Variants in PPM1K observed in about 807,000 individuals in gnomAD.
PPM1K encodes the protein protein phosphatase, Mg2+/Mn2+ dependent 1K.
PPM1K carries 19 observed loss-of-function variants against 32.6 expected under a neutral mutation model. That is an observed-to-expected ratio of 0.58 (90% CI 0.41 to 0.86). The LOEUF (loss-of-function observed/expected upper bound fraction) is 0.86. PPM1K is among the 40% of genes least tolerant of loss of function. The pLI is 0.00. For synonymous variants in PPM1K, 159 were observed against 165.3 expected, an observed-to-expected ratio of 0.96 and a Z score of 0.29; for missense variants, 362 against 461.2, an observed-to-expected ratio of 0.78 and a Z score of 1.97.
chr4:88,278,478 G>A lies in PPM1K; in HGVS notation c.106C>T (p.Pro36Ser), dbSNP rs1183626440. The change falls in exon 2 of 7, where the codon CCC (proline) becomes TCC (serine). Residue 36 changes from proline to serine, a missense_variant. Pro to Ser is a moderately conservative substitution (Grantham distance 74). Transcript: ENST00000608933. This position sits in a 1 kb window ranked among gnomAD's most constrained non-coding sequence, Gnocchi z 4.2. The stretch of plus-strand genomic sequence containing the variant: ...TCTGAAGTGGAGCTGTGGCACGTGG[G>A]TGTCACCCGCCTGTCGTCCTGCAGC... ...RLLQDDRRVT[P>S]TCHSSTSEPR... is the part of the protein sequence containing the mutation. 7.4e-6 allele frequency: 12 copies of A among 1,614,132 alleles called. No homozygotes were observed. The highest frequency in any genetic ancestry group is 9.3e-6 in the Non-Finnish European group (11 of 1,180,038).
rs1336222573 is a variant in PPM1K, at chr4:88,261,942, A to C, written c.*653T>G. On this transcript the variant is annotated 3_prime_UTR_variant, in exon 7 of 7. Coordinates refer to ENST00000608933, the MANE Select transcript of PPM1K (RefSeq NM_152542.5). The stretch of plus-strand genomic sequence containing the variant: ...CACCATGTTGGCCAGGCTGGTCTTG[A>C]ATTCCTGACCTCAGATGATCTACCC... 2.3e-5 allele frequency: 3 copies of C among 129,376 alleles called. No individual in the cohort carries two copies. The highest frequency in any genetic ancestry group is 4.6e-5 in the Non-Finnish European group (3 of 64,966). The allele number at this position is 129,376 out of a possible 1,614,324, so 8.0% of individuals were successfully genotyped here.
chr4:88,267,558 G>C (rs1054458022), intron 5 of PPM1K, among the ~76,000 whole-genome samples: 1 of 152,206 alleles, frequency 6.6e-6, no homozygotes, highest in African/African-American at 2.4e-5. Context: ...GAAATATTGA[G>C]GATTGCTAAA....
intron 1 of PPM1K, among the ~76,000 whole-genome samples, chr4:88,283,411 CT>C (rs1206285257): frequency 2.6e-5 from 4 of 152,266 alleles, no homozygotes; most frequent in African/African-American, 9.6e-5. Flanking sequence ...GGTCTCATTG[CT>C]CTTTTTCATC....
intron 6 of PPM1K, among the ~76,000 whole-genome samples, chr4:88,264,145 C>T (rs906999215): frequency 1.3e-5 from 2 of 152,114 alleles, no homozygotes; most frequent in African/African-American, 4.8e-5. Context: ...CTGTTTAGCA[C>T]GGGTGAAGGC....
Position 88,278,249 on chromosome 4 carries a change from T to A in PPM1K, c.335A>T (p.Asp112Val). Reference protein sequence around the residue: ...GKRKENEDRFDFAQLTDEVLY... With the variant: ...GKRKENEDRFVFAQLTDEVLY... ...GACCTCATCTGTCAGCTGAGCGAAG[T>A]CAAACCGATCTTCATTCTCTTTCCG... is the stretch of plus-strand genomic sequence containing the variant. Residue 112 changes from aspartate (D) to valine (V), a missense_variant, in exon 2 of 7, where the codon GAC becomes GTC. Coordinates refer to ENST00000608933, the MANE Select transcript of PPM1K (RefSeq NM_152542.5). This position sits in a 1 kb window ranked among gnomAD's most constrained non-coding sequence, Gnocchi z 4.2. 1.2e-6 allele frequency: 2 copies of A among 1,614,162 alleles called. No individual in the cohort carries two copies. Among genetic ancestry groups the A allele is most frequent in the Non-Finnish European group, 1.7e-6 (2 of 1,180,004 alleles).
chr4:88,275,801 C>A, intron 3 of PPM1K: 1 of 985,364 alleles, frequency 1.0e-6, no homozygotes, highest in Non-Finnish European at 1.2e-6. Flanking sequence ...TTCATTTCCT[C>A]TTTTCCTTCA....
intron 3 of PPM1K, among the ~76,000 whole-genome samples, chr4:88,271,864 A>G (rs1424008066): frequency 3.3e-5 from 5 of 152,190 alleles, no homozygotes. Flanking sequence ...TAGTACCTAT[A>G]AGGCATTTTT....
chr4:88,276,807 A>C lies in PPM1K; in HGVS notation c.541+336T>G, dbSNP rs563105032. 7 of 1,013,390 alleles carry C rather than the reference A, an allele frequency of 6.9e-6. No homozygotes were observed. The South Asian group carries it at 3.0e-4, about 44-fold the overall frequency. 62.8% of individuals were successfully genotyped at this position (1,013,390 alleles called of 1,614,324 possible). ...AAAAAAAACCAAAAACCCAAAACAA[A>C]ACTCATAGTATGGACATTTTGTCCA... On this transcript the variant is annotated intron_variant, in intron 3 of 6. Coordinates refer to ENST00000608933, the MANE Select transcript of PPM1K (RefSeq NM_152542.5).
At chr4:88,277,117 C>G (rs1408898541) in intron 3 of PPM1K, 26 bp downstream of exon 3, 1 of 1,558,636 alleles carries the variant, frequency 6.4e-7, no homozygotes, top group East Asian at 2.2e-5. Context: ...TCCCTAGGAT[C>G]CAAGGAATGT....
chr4:88,277,688 G>A (rs1731839562), intron 2 of PPM1K: 1 of 194,538 alleles, frequency 5.1e-6, no homozygotes, highest in African/African-American at 2.4e-5. Context: ...TAAATAAACG[G>A]AAGAGCTCCA....
At chr4:88,283,174 G>A (rs912364527) in intron 1 of PPM1K, among the ~76,000 whole-genome samples, 1 of 152,188 alleles carries the variant, frequency 6.6e-6, no homozygotes, top group Admixed American at 6.5e-5. Flanking sequence ...GAGTGCAGTG[G>A]TGCGATCTCG....
chr4:88,269,542 G>T (rs1731474061), intron 3 of PPM1K, among the ~76,000 whole-genome samples: 1 of 152,086 alleles, frequency 6.6e-6, no homozygotes, highest in Admixed American at 6.6e-5. Flanking sequence ...GTTTATCTTT[G>T]TCCTCCCTAG....
At chr4:88,270,982 T>TG (rs1171100852) in intron 3 of PPM1K, 1 of 393,352 alleles carries the variant, frequency 2.5e-6, no homozygotes, top group Non-Finnish European at 5.0e-6. Context: ...CATCTTTCAA[T>TG]AAGTTCTTAA....
Position 88,258,839 on chromosome 4 carries a change from C to T in PPM1K, c.*3756G>A, listed in dbSNP as rs1480273812. 4.0e-5 allele frequency: 6 copies of T among 151,710 alleles called. No homozygotes were observed. The East Asian group carries it at 9.8e-4, about 25-fold the overall frequency. The allele number at this position is 151,710 out of a possible 1,614,324, so 9.4% of individuals were successfully genotyped here. A position where few individuals can be genotyped will look rare whatever the true frequency, so the allele number is the denominator to read the frequency against. On this transcript the variant is annotated 3_prime_UTR_variant, in exon 7 of 7. Transcript: ENST00000608933. The stretch of plus-strand genomic sequence containing the variant: ...GTGGCTCATGCCTGTAATCCCAGCA[C>T]TTTGGGAGGCCGAGGTGGGTGGATC...
rs1357223579 is a variant in PPM1K at position 88,259,900 on chromosome 4, A to C, written c.*2695T>G. The C allele has an allele frequency of 6.6e-6, 1 of 152,212 alleles. No homozygotes were observed. Among genetic ancestry groups the C allele is most frequent in the Admixed American group, 6.5e-5 (1 of 15,278 alleles). 9.4% of individuals were successfully genotyped at this position (152,212 alleles called of 1,614,324 possible). A position where few individuals can be genotyped will look rare whatever the true frequency, so the allele number is the denominator to read the frequency against. On this transcript the variant is annotated 3_prime_UTR_variant, in exon 7 of 7. Transcript: ENST00000608933. ...AAAGTGAGACTCTGTAACTATAAAAAACAAAAACAGACAAACTTGGCTATC... is the reference window on the plus strand; with the variant it reads ...AAAGTGAGACTCTGTAACTATAAAACACAAAAACAGACAAACTTGGCTATC...
chr4:88,265,919 G>C (rs1731284158), intron 5 of PPM1K, among the ~76,000 whole-genome samples: 2 of 152,340 alleles, frequency 1.3e-5, no homozygotes, highest in African/African-American at 2.4e-5. Flanking sequence ...TCTAAGAGCA[G>C]GCTTCTAGGA....
At position 88,268,806 on chromosome 4, in the gene PPM1K, A is replaced by G; in HGVS notation, c.642T>C (p.Cys214=). 1 of 1,614,014 alleles carries G rather than the reference A, an allele frequency of 6.2e-7. No homozygotes were observed. The highest frequency in any genetic ancestry group is 8.5e-7 in the Non-Finnish European group (1 of 1,179,938). The change falls in exon 4 of 7, where the codon TGT becomes TGC. Residue 214 remains cysteine, a synonymous_variant. Coordinates refer to ENST00000608933, the MANE Select transcript of PPM1K (RefSeq NM_152542.5). ...ASVGDSRAIL[C]RKGKPMKLTI... ...TCAGCTTCATGGGTTTTCCTTTTCT[A>G]CACAAAATAGCCCGGCTGTCCCCAA...
chr4:88,265,143 C>T lies in PPM1K; in HGVS notation c.853-8G>A, dbSNP rs1169621104. On this transcript the variant is annotated splice_polypyrimidine_tract_variant and splice_region_variant and intron_variant, in intron 5 of 6. Transcript: ENST00000608933. ...GTCATCAGCATGATGTAACTGCAATCAGAACCAAATGCCTATGATTATAAG... is the reference window on the plus strand; with the variant it reads ...GTCATCAGCATGATGTAACTGCAATTAGAACCAAATGCCTATGATTATAAG... 1 of 1,613,984 alleles carries T rather than the reference C, an allele frequency of 6.2e-7. No homozygotes were observed. The highest frequency in any genetic ancestry group is 8.5e-7 in the Non-Finnish European group (1 of 1,179,978).
chr4:88,282,717 GTTCAGA>G (rs1299662942), intron 1 of PPM1K, among the ~76,000 whole-genome samples: 1 of 152,200 alleles, frequency 6.6e-6, no homozygotes, highest in Non-Finnish European at 1.5e-5. Context: ...ATATGTCTAT[GTTCAGA>G]TGTGTGACTG....
Sources: gnomAD v4.1 joint callset for allele counts (sites outside exome capture counted in the v4.1 genomes callset) on GRCh38, gnomAD v4.1.1 for gene constraint, Gnocchi (gnomAD v3.1) non-coding constraint, MANE v1.5 for transcripts, NCBI Gene and HGNC (gene_info 2026-07-23, HGNC 2026-07-21) for gene names.